The following GALNT17 variants were observed in gnomAD, a reference collection of about 807,000 sequenced individuals.
GALNT17 encodes the protein UDP-GalNAc:polypeptide N-acetylgalactosaminyltransferase-like 3.
In GALNT17, 29 loss-of-function variants were observed where a neutral mutation model predicts 63.7. The observed-to-expected ratio is 0.46, with a 90% CI of 0.34 to 0.62. The LOEUF is 0.62. GALNT17 is among the 20% of genes least tolerant of loss of function. The probability of loss-of-function intolerance (pLI) is 0.01; values close to 1 mark genes in which losing one functional copy is unlikely to be tolerated. For synonymous variants in GALNT17, 305 were observed against 318.3 expected, an observed-to-expected ratio of 0.96 and a Z score of 0.45; for missense variants, 603 against 799.6, an observed-to-expected ratio of 0.75 and a Z score of 2.97.
intron 1 of GALNT17, among the ~76,000 whole-genome samples, chr7:71,236,846 TAGAG>T (rs915460819): frequency 6.6e-6 from 1 of 152,008 alleles, no homozygotes; most frequent in African/African-American, 2.4e-5. Flanking sequence ...TCTAAGCCAT[TAGAG>T]AGAGAGAAGA....
chr7:71,533,813 C>A (rs1237412774), intron 5 of GALNT17, among the ~76,000 whole-genome samples: 1 of 152,114 alleles, frequency 6.6e-6, no homozygotes, highest in African/African-American at 2.4e-5. Flanking sequence ...TGGAAGGCTG[C>A]TCCCAAATCC....
At chr7:71,382,924 C>T (rs1183575199) in intron 2 of GALNT17, among the ~76,000 whole-genome samples, 1 of 152,116 alleles carries the variant, frequency 6.6e-6, no homozygotes, top group East Asian at 1.9e-4. Context: ...TTTACATTGT[C>T]ATGTAACTGC....
chr7:71,284,308 T>G (rs1001541319), intron 1 of GALNT17: 1 of 153,672 alleles, frequency 6.5e-6, no homozygotes, highest in African/African-American at 2.4e-5. Flanking sequence ...ACGATTCTCC[T>G]GCCTCAGCCT....
At chr7:71,209,841 T>G (rs888866408) in intron 1 of GALNT17, among the ~76,000 whole-genome samples, 5 of 152,192 alleles carry the variant, frequency 3.3e-5, no homozygotes, top group African/African-American at 1.2e-4. Flanking sequence ...ACTTCTTACA[T>G]GGCAGCAGCA....
intron 6 of GALNT17, among the ~76,000 whole-genome samples, chr7:71,603,655 T>TAAGTAC (rs955720277): frequency 6.7e-6 from 1 of 148,286 alleles, no homozygotes; most frequent in African/African-American, 2.5e-5. Context: ...GTGCATGCAC[T>TAAGTAC]AAGTACTATG....
At chr7:71,711,518 C>CCT (rs547439449) in intron 10 of GALNT17, among the ~76,000 whole-genome samples, 31 of 149,766 alleles carry the variant, frequency 2.1e-4, no homozygotes, top group South Asian at 1.7e-3. Flanking sequence ...TCTCTCTCTC[C>CCT]CTCTCTCTCC....
chr7:71,475,054 A>G (rs1374041554), intron 5 of GALNT17, among the ~76,000 whole-genome samples: 1 of 152,146 alleles, frequency 6.6e-6, no homozygotes, highest in East Asian at 1.9e-4. Flanking sequence ...TTCAGAGGGA[A>G]CATGATCCTG....
intron 5 of GALNT17, among the ~76,000 whole-genome samples, chr7:71,459,647 G>A (rs1157168787): frequency 1.3e-5 from 2 of 152,122 alleles, no homozygotes; most frequent in African/African-American, 4.8e-5. Context: ...CCCAAAACAT[G>A]TTTCTTGGCC....
At chr7:71,543,625 T>C (rs890040607) in intron 5 of GALNT17, among the ~76,000 whole-genome samples, 1 of 151,912 alleles carries the variant, frequency 6.6e-6, no homozygotes, top group Non-Finnish European at 1.5e-5. Context: ...AAAATCCTGT[T>C]GGCCATATTG....
intron 1 of GALNT17, among the ~76,000 whole-genome samples, chr7:71,296,575 C>T (rs10231965): frequency 0.19 from 29,187 of 151,290 alleles, 2,929 homozygotes; most frequent in East Asian, 0.32. Flanking sequence ...GAGATCATTC[C>T]GCTGCACTCC....
At chr7:71,257,682 C>G (rs576573928) in intron 1 of GALNT17, among the ~76,000 whole-genome samples, 1 of 152,300 alleles carries the variant, frequency 6.6e-6, no homozygotes, top group South Asian at 2.1e-4. Flanking sequence ...GGAAATGCCC[C>G]CAGTCCCTTC....
chr7:71,133,048 C>G lies in GALNT17; in HGVS notation c.238+8C>G, dbSNP rs962842757. On this transcript the variant is annotated splice_region_variant and intron_variant, in intron 1 of 10. Coordinates refer to ENST00000333538, the MANE Select transcript of GALNT17 (RefSeq NM_022479.3). ...TGTACCGGCAGCTGAATGGTAAGGA[C>G]GCACGCCGGCGCCTCCGGGGCTCGA... The G allele has an allele frequency of 5.8e-6, 9 of 1,539,624 alleles. No individual in the cohort carries two copies. The highest frequency in any genetic ancestry group is 7.8e-6 in the Non-Finnish European group (9 of 1,146,740).
chr7:71,567,058 G>A (rs910324984), intron 5 of GALNT17, among the ~76,000 whole-genome samples: 2 of 152,142 alleles, frequency 1.3e-5, no homozygotes, highest in Non-Finnish European at 2.9e-5. Context: ...ACCCCTTCAG[G>A]AGAAACCTAA....
intron 5 of GALNT17, among the ~76,000 whole-genome samples, chr7:71,432,028 A>G (rs1280628271): frequency 6.6e-6 from 1 of 152,170 alleles, no homozygotes; most frequent in African/African-American, 2.4e-5. Flanking sequence ...TACAAAAAGT[A>G]GCTGGGTGTG....
At chr7:71,279,169 C>T (rs1038653723) in intron 1 of GALNT17, among the ~76,000 whole-genome samples, 6 of 152,052 alleles carry the variant, frequency 3.9e-5, no homozygotes, top group African/African-American at 7.2e-5. Flanking sequence ...GTGATCTGCC[C>T]GCCTTGGCCT....
At chr7:71,573,749 AGCACAGATTGGT>A (rs1277103486) in intron 6 of GALNT17, among the ~76,000 whole-genome samples, 3 of 152,132 alleles carry the variant, frequency 2.0e-5, no homozygotes, top group African/African-American at 7.2e-5. Context: ...CACCTCAATG[AGCACAGATTGGT>A]GCACAGATTA....
At chr7:71,449,677 A>G (rs1787223489) in intron 5 of GALNT17, among the ~76,000 whole-genome samples, 1 of 152,064 alleles carries the variant, frequency 6.6e-6, no homozygotes, top group Non-Finnish European at 1.5e-5. Flanking sequence ...GGATGTTTTC[A>G]TTGCTTTTTT....
chr7:71,661,268 T>C (rs1790903911), intron 6 of GALNT17, among the ~76,000 whole-genome samples: 1 of 152,110 alleles, frequency 6.6e-6, no homozygotes, highest in Non-Finnish European at 1.5e-5. Context: ...TTCTGACTCC[T>C]CCCCTTACTG....
intron 1 of GALNT17, among the ~76,000 whole-genome samples, chr7:71,186,995 T>A (rs1182674203): frequency 6.6e-6 from 1 of 152,218 alleles, no homozygotes; most frequent in African/African-American, 2.4e-5. Context: ...TTTCCTGTTT[T>A]CTCTGGATTT....
Sources: allele counts gnomAD v4.1 joint callset (sites outside exome capture counted in the v4.1 genomes callset), GRCh38; gene constraint gnomAD v4.1.1; transcripts MANE v1.5; gene names NCBI Gene and HGNC (gene_info 2026-07-23, HGNC 2026-07-21).